The following RBMS3 variants were observed in gnomAD, a reference collection of about 807,000 sequenced individuals.
RBMS3 encodes RNA binding motif single stranded interacting protein 3.
A neutral mutation model predicts 66.8 loss-of-function variants in RBMS3; 27 were observed. The ratio of observed to expected loss-of-function variants is 0.40; its 90% CI spans 0.30 to 0.56. RBMS3 has a LOEUF of 0.56. Among genes scored for constraint, RBMS3 ranks in the 20% least tolerant of loss-of-function variants. The pLI, the probability that RBMS3 is intolerant of heterozygous loss-of-function variation, is 0.40. For missense variants in RBMS3, 513 were observed against 549.5 expected, an observed-to-expected ratio of 0.93 and a Z score of 0.66; for synonymous variants, 188 against 183.0, an observed-to-expected ratio of 1.03 and a Z score of -0.22.
intron 10 of RBMS3, among the ~76,000 whole-genome samples, chr3:29,932,994 A>T (rs191649090): frequency 6.6e-6 from 1 of 152,256 alleles, no homozygotes; most frequent in East Asian, 1.9e-4. Context: ...TTTTTAGTGG[A>T]ATTATAGCAT....
At chr3:29,862,148 G>C (rs975566846) in intron 6 of RBMS3, among the ~76,000 whole-genome samples, 5 of 152,174 alleles carry the variant, frequency 3.3e-5, no homozygotes, top group Admixed American at 6.5e-5. Flanking sequence ...TATGGAGCCA[G>C]TCATAACCAA....
In RBMS3 at chr3:29,420,624, G is replaced by GTT. The variant is rs34773958; in HGVS notation, c.76-14110_76-14109dup. ...AGCTATAAATCAGGGCTTTTCCCTT[G>GTT]TTTTTTTTTTCTCGCAGAGTTTCAG... On this transcript the variant is annotated intron_variant, in intron 1 of 14. Coordinates refer to ENST00000383767, the MANE Select transcript of RBMS3 (RefSeq NM_001003793.3). Among the ~76,000 whole-genome samples the GTT allele has an allele frequency of 1.2e-3, 177 of 148,220 alleles. 2 individuals are homozygous for GTT. The highest frequency in any genetic ancestry group is 3.9e-3 in the African/African-American group (159 of 40,436).
intron 1 of RBMS3, among the ~76,000 whole-genome samples, chr3:29,351,263 A>G (rs2036897207): frequency 1.3e-5 from 2 of 152,128 alleles, no homozygotes; most frequent in African/African-American, 4.8e-5. Flanking sequence ...TCGTCTTCTT[A>G]GGATTAATTT....
chr3:29,373,071 C>G lies in RBMS3; in HGVS notation c.76-61672C>G, dbSNP rs78032909. On this transcript the variant is annotated intron_variant, in intron 1 of 14. Coordinates refer to ENST00000383767, the MANE Select transcript of RBMS3 (RefSeq NM_001003793.3). ...AACTTTCTCTGGGTTTTTAATACCACAAAGCAGGTGCTTGAAATTACTTTC... is the reference window on the plus strand; with the variant it reads ...AACTTTCTCTGGGTTTTTAATACCAGAAAGCAGGTGCTTGAAATTACTTTC... Among the ~76,000 whole-genome samples the G allele has an allele frequency of 3.5e-4, 53 of 152,258 alleles. 1 individual carries two copies. In the East Asian group the frequency reaches 0.01, roughly 29 times the overall value.
chr3:29,896,153 A>C (rs573462544), intron 8 of RBMS3, among the ~76,000 whole-genome samples: 1 of 151,442 alleles, frequency 6.6e-6, no homozygotes, highest in African/African-American at 2.4e-5. Flanking sequence ...TTAAGACTAT[A>C]TTTTTGCTTG....
At chr3:29,511,470 A>T (rs1295011534) in intron 3 of RBMS3, among the ~76,000 whole-genome samples, 1 of 152,076 alleles carries the variant, frequency 6.6e-6, no homozygotes, top group Admixed American at 6.5e-5. Flanking sequence ...CATGTGGAGA[A>T]CTAGTTTTAC....
At chr3:29,833,673 C>T (rs965786836) in intron 6 of RBMS3, among the ~76,000 whole-genome samples, 1 of 151,906 alleles carries the variant, frequency 6.6e-6, no homozygotes, top group Non-Finnish European at 1.5e-5. Context: ...ATGAACAAAA[C>T]CTACAACATT....
intron 12 of RBMS3, among the ~76,000 whole-genome samples, chr3:29,962,754 G>A (rs1369891593): frequency 6.6e-6 from 1 of 151,898 alleles, no homozygotes; most frequent in African/African-American, 2.4e-5. Flanking sequence ...TTCACTGTTT[G>A]TATTTATAAA....
intron 1 of RBMS3, among the ~76,000 whole-genome samples, chr3:29,356,675 C>T (rs932457537): frequency 6.6e-6 from 1 of 152,140 alleles, no homozygotes; most frequent in Admixed American, 6.6e-5. Flanking sequence ...GTAGTGTTTA[C>T]ACATTCATGT....
intron 12 of RBMS3, among the ~76,000 whole-genome samples, chr3:29,964,928 T>C (rs1256453139): frequency 6.6e-6 from 1 of 152,106 alleles, no homozygotes; most frequent in African/African-American, 2.4e-5. Flanking sequence ...TGCCTTTTTG[T>C]CCTCATAGCT....
At chr3:29,521,422 T>C (rs539328365) in intron 3 of RBMS3, among the ~76,000 whole-genome samples, 2 of 152,282 alleles carry the variant, frequency 1.3e-5, no homozygotes, top group South Asian at 4.1e-4. Flanking sequence ...TGCTTTCTCG[T>C]ATTGGGCTTC....
intron 4 of RBMS3, among the ~76,000 whole-genome samples, chr3:29,638,010 G>T (rs2149189717): frequency 6.6e-6 from 1 of 151,898 alleles, no homozygotes; most frequent in Non-Finnish European, 1.5e-5. Context: ...GAAGAATCAT[G>T]GTTTGTAAAA....
At chr3:29,598,221 G>A (rs930688806) in intron 4 of RBMS3, among the ~76,000 whole-genome samples, 1 of 152,076 alleles carries the variant, frequency 6.6e-6, no homozygotes, top group African/African-American at 2.4e-5. Flanking sequence ...ATACCAGAAT[G>A]CAGCACACAG....
chr3:29,370,667 G>A (rs1001644996), intron 1 of RBMS3, among the ~76,000 whole-genome samples: 2 of 152,294 alleles, frequency 1.3e-5, no homozygotes, highest in East Asian at 1.9e-4. Context: ...TGCCTGGACC[G>A]TGCTTCTAGA....
intron 12 of RBMS3, among the ~76,000 whole-genome samples, chr3:29,957,024 G>C (rs1696090607): frequency 6.6e-6 from 1 of 152,096 alleles, no homozygotes; most frequent in Non-Finnish European, 1.5e-5. Context: ...TCCTCATCTA[G>C]AATGTGTTTC....
intron 2 of RBMS3, among the ~76,000 whole-genome samples, chr3:29,467,120 T>C (rs1351744271): frequency 6.6e-6 from 1 of 152,186 alleles, no homozygotes; most frequent in Non-Finnish European, 1.5e-5. Flanking sequence ...TCCTTGAACA[T>C]TTTGCCAAAT....
Position 30,007,521 on chromosome 3 carries a change from C to T in RBMS3, c.*3659C>T, listed in dbSNP as rs1018228854. On this transcript the variant is annotated 3_prime_UTR_variant, in exon 15 of 15. Coordinates refer to ENST00000383767, the MANE Select transcript of RBMS3 (RefSeq NM_001003793.3). Reference sequence around the variant, plus strand: ...AACTCTAGTTTCATGGTCAGTGCAACAGTGAGTTTTCTTTTAATAATGGTA... The same window carrying T: ...AACTCTAGTTTCATGGTCAGTGCAATAGTGAGTTTTCTTTTAATAATGGTA... 1 of 152,104 alleles carries T rather than the reference C, an allele frequency of 6.6e-6. No individual in the cohort carries two copies. Among genetic ancestry groups the T allele is most frequent in the South Asian group, 2.1e-4 (1 of 4,824 alleles). 9.4% of individuals were successfully genotyped at this position (152,104 alleles called of 1,614,324 possible).
At chr3:29,426,933 A>G (rs571344782) in intron 1 of RBMS3, among the ~76,000 whole-genome samples, 2 of 152,354 alleles carry the variant, frequency 1.3e-5, no homozygotes, top group South Asian at 2.1e-4. Flanking sequence ...CAACACTCCA[A>G]TGAAGTGAAA....
At chr3:29,658,067 C>G (rs774079885) in intron 4 of RBMS3, among the ~76,000 whole-genome samples, 11 of 152,118 alleles carry the variant, frequency 7.2e-5, no homozygotes, top group Non-Finnish European at 1.0e-4. Context: ...CCTAGGTATA[C>G]CAAATGCTAC....
Sources: gnomAD v4.1 joint callset for allele counts (sites outside exome capture counted in the v4.1 genomes callset) on GRCh38, gnomAD v4.1.1 for gene constraint, MANE v1.5 for transcripts, NCBI Gene and HGNC (gene_info 2026-07-23, HGNC 2026-07-21) for gene names.